Variants in RAPGEF5 observed in about 807,000 individuals in gnomAD.
RAPGEF5 encodes the protein M-Ras-regulated GEF.
RAPGEF5 carries 65 observed loss-of-function variants against 125.2 expected under a neutral mutation model. That is an observed-to-expected ratio of 0.52 (90% confidence interval 0.43 to 0.64). RAPGEF5 has a LOEUF of 0.64. RAPGEF5 is among the 30% of genes least tolerant of loss of function. The pLI is 0.00. For synonymous variants in RAPGEF5, 391 were observed against 385.9 expected, an observed-to-expected ratio of 1.01 and a Z score of -0.16; for missense variants, 958 against 1,048.1, an observed-to-expected ratio of 0.91 and a Z score of 1.19.
chr7:22,231,066 G>T, intron 7 of RAPGEF5, 147 bp from the exon 8 acceptor site: 1 of 769,566 alleles, frequency 1.3e-6, no homozygotes, highest in Non-Finnish European at 2.1e-6. Flanking sequence ...TTAATCAAAT[G>T]TGAAGTTAGC....
intron 23 of RAPGEF5, among the ~76,000 whole-genome samples, chr7:22,131,965 G>A (rs1318560465): frequency 1.3e-5 from 2 of 152,066 alleles, no homozygotes; most frequent in African/African-American, 4.8e-5. Flanking sequence ...GGGAATCCTC[G>A]CAGACAAGTA....
intron 7 of RAPGEF5, among the ~76,000 whole-genome samples, chr7:22,259,410 T>G (rs1715817227): frequency 6.6e-6 from 1 of 152,210 alleles, no homozygotes; most frequent in Non-Finnish European, 1.5e-5. Flanking sequence ...CTGGTAAGAA[T>G]GCAAAATAGT....
chr7:22,355,686 GA>G (rs1784407927), intron 1 of RAPGEF5, among the ~76,000 whole-genome samples: 1 of 152,076 alleles, frequency 6.6e-6, no homozygotes, highest in Admixed American at 6.5e-5. Context: ...ACCTGAGATG[GA>G]AAATGCCTAG....
At chr7:22,243,759 A>G (rs903493092) in intron 7 of RAPGEF5, among the ~76,000 whole-genome samples, 1 of 152,144 alleles carries the variant, frequency 6.6e-6, no homozygotes, top group African/African-American at 2.4e-5. Context: ...CACCTTCCAT[A>G]CTTATCATTT....
chr7:22,229,321 T>C (rs1370150439), intron 8 of RAPGEF5, among the ~76,000 whole-genome samples: 1 of 152,236 alleles, frequency 6.6e-6, no homozygotes, highest in African/African-American at 2.4e-5. Flanking sequence ...AGTAACCATC[T>C]TAACCTTTTA....
chr7:22,328,603 CATTT>C (rs1418639799), intron 1 of RAPGEF5, among the ~76,000 whole-genome samples: 6 of 152,338 alleles, frequency 3.9e-5, no homozygotes, highest in South Asian at 2.1e-4. Context: ...TACATACATA[CATTT>C]ATTTATCTAA....
intron 7 of RAPGEF5, among the ~76,000 whole-genome samples, chr7:22,231,360 T>TA: frequency 6.6e-6 from 1 of 152,158 alleles, no homozygotes; most frequent in Non-Finnish European, 1.5e-5. Flanking sequence ...AGTGCATTGT[T>TA]ACCACAAAAT....
intron 7 of RAPGEF5, among the ~76,000 whole-genome samples, chr7:22,235,209 C>T (rs147580747): frequency 6.5e-4 from 99 of 152,282 alleles, no homozygotes; most frequent in African/African-American, 2.2e-3. Context: ...AATCTTTCAC[C>T]TGTGTAGCAT....
At chr7:22,170,142 C>A (rs1028467246) in intron 11 of RAPGEF5, among the ~76,000 whole-genome samples, 3 of 152,138 alleles carry the variant, frequency 2.0e-5, no homozygotes, top group African/African-American at 7.2e-5. Context: ...GCAAACTTCG[C>A]CTCCCAGGTT....
At chr7:22,335,661 C>T (rs1275322941) in intron 1 of RAPGEF5, among the ~76,000 whole-genome samples, 1 of 149,474 alleles carries the variant, frequency 6.7e-6, no homozygotes, top group Non-Finnish European at 1.5e-5. Context: ...CCATCTAGTT[C>T]TCCTTCCCTG....
At chr7:22,350,287 C>T (rs1337459928) in intron 1 of RAPGEF5, among the ~76,000 whole-genome samples, 2 of 152,128 alleles carry the variant, frequency 1.3e-5, no homozygotes. Context: ...GAAATGAAGC[C>T]TATTTGTTAT....
chr7:22,140,545 C>G (rs563729923), intron 20 of RAPGEF5, among the ~76,000 whole-genome samples: 13 of 152,246 alleles, frequency 8.5e-5, no homozygotes, highest in African/African-American at 3.1e-4. Context: ...TAAGCTCCCC[C>G]TCCCATTACA....
At chr7:22,267,169 T>C (rs534322926) in intron 6 of RAPGEF5, among the ~76,000 whole-genome samples, 157 bp from the exon 7 acceptor site, 2 of 152,298 alleles carry the variant, frequency 1.3e-5, no homozygotes, top group African/African-American at 4.8e-5. Flanking sequence ...TTGTTTTTAG[T>C]ACATGGAAAA....
At chr7:22,249,484 C>T (rs1388844383) in intron 7 of RAPGEF5, among the ~76,000 whole-genome samples, 4 of 151,996 alleles carry the variant, frequency 2.6e-5, no homozygotes, top group Non-Finnish European at 5.9e-5. Flanking sequence ...GCCACTGCAC[C>T]CCACCTTATC....
At chr7:22,348,059 A>G (rs1784259132) in intron 1 of RAPGEF5, among the ~76,000 whole-genome samples, 1 of 152,236 alleles carries the variant, frequency 6.6e-6, no homozygotes, top group Non-Finnish European at 1.5e-5. Flanking sequence ...TAAAACCATG[A>G]TGCTGCTTTC....
At chr7:22,128,309 T>G (rs987712444) in intron 24 of RAPGEF5, among the ~76,000 whole-genome samples, 2 of 152,172 alleles carry the variant, frequency 1.3e-5, no homozygotes, top group South Asian at 2.1e-4. Flanking sequence ...CAGCAAGGAA[T>G]GTAGCATAAA....
At chr7:22,316,476 TATATATATA>T (rs1783596098) in intron 2 of RAPGEF5, among the ~76,000 whole-genome samples, 3 of 57,768 alleles carry the variant, frequency 5.2e-5, no homozygotes, top group African/African-American at 2.3e-4. Context: ...TATATATATA[TATATATATA>T]TATATTTTTT....
At chr7:22,218,049 T>C (rs1052365989) in intron 9 of RAPGEF5, among the ~76,000 whole-genome samples, 12 of 152,164 alleles carry the variant, frequency 7.9e-5, no homozygotes, top group African/African-American at 1.9e-4. Context: ...ATGTGCCATG[T>C]TGGTGTGCTG....
chr7:22,161,735 G>A (rs1043269721), intron 13 of RAPGEF5, among the ~76,000 whole-genome samples: 1 of 152,192 alleles, frequency 6.6e-6, no homozygotes, highest in South Asian at 2.1e-4. Context: ...TTTCCTTCAT[G>A]AAAGGCTGAG....
Sources: allele counts gnomAD v4.1 joint callset (sites outside exome capture counted in the v4.1 genomes callset), GRCh38; gene constraint gnomAD v4.1.1; transcripts MANE v1.5; gene names NCBI Gene and HGNC (gene_info 2026-07-23, HGNC 2026-07-21).